Variants in ASTN1 observed in about 807,000 individuals in gnomAD.
The protein encoded by ASTN1 is astrotactin-1.
A neutral mutation model predicts 140.7 loss-of-function variants in ASTN1; 41 were observed. That is an observed-to-expected ratio of 0.29 (90% CI 0.23 to 0.38). The LOEUF (loss-of-function observed/expected upper bound fraction) is 0.38, where lower values mean the gene tolerates loss of function less well. ASTN1 is among the 10% of genes least tolerant of loss of function. The probability of loss-of-function intolerance (pLI) is 1.00; values close to 1 mark genes in which losing one functional copy is unlikely to be tolerated. For missense variants in ASTN1, 1,479 were observed against 1,678.8 expected (o/e 0.88, Z 2.08); for synonymous variants, 640 against 652.2 (o/e 0.98, Z 0.29).
chr1:177,143,844 T>C (rs1682580964), intron 1 of ASTN1, among the ~76,000 whole-genome samples: 1 of 152,160 alleles, frequency 6.6e-6, no homozygotes, highest in African/African-American at 2.4e-5. Flanking sequence ...CTGATGCTAA[T>C]TTCTTAGTTT....
intron 16 of ASTN1, among the ~76,000 whole-genome samples, chr1:176,933,695 C>T (rs2072836): frequency 0.12 from 17,558 of 152,114 alleles, 1,320 homozygotes; most frequent in Admixed American, 0.18. Flanking sequence ...GAAAAATGAG[C>T]CTATGCAGAG....
chr1:177,083,432 G>A (rs1045922964), intron 1 of ASTN1, among the ~76,000 whole-genome samples: 1 of 151,946 alleles, frequency 6.6e-6, no homozygotes. Flanking sequence ...GCCAAATCAG[G>A]TCATGCGCCA....
At chr1:176,960,771 C>T (rs1234509806) in intron 9 of ASTN1, among the ~76,000 whole-genome samples, 1 of 152,260 alleles carries the variant, frequency 6.6e-6, no homozygotes, top group African/African-American at 2.4e-5. Flanking sequence ...ATTTTCTCAC[C>T]TCTTTGCTTT....
chr1:176,903,208 G>C (rs1669841210), intron 16 of ASTN1, among the ~76,000 whole-genome samples: 4 of 152,184 alleles, frequency 2.6e-5, no homozygotes, highest in Admixed American at 2.6e-4. Flanking sequence ...ACATATACGT[G>C]GGGGAGTATG....
chr1:177,077,195 C>G (rs907786798), intron 1 of ASTN1, among the ~76,000 whole-genome samples: 1 of 152,092 alleles, frequency 6.6e-6, no homozygotes, highest in Admixed American at 6.6e-5. Flanking sequence ...GCAACTCCAT[C>G]ATGCAGATAT....
intron 11 of ASTN1, among the ~76,000 whole-genome samples, chr1:176,949,870 A>G (rs1318444124): frequency 6.6e-6 from 1 of 152,168 alleles, no homozygotes; most frequent in East Asian, 1.9e-4. Context: ...GGAAGTGAAC[A>G]TTCCCTGTAA....
At chr1:177,128,788 T>C (rs575481967) in intron 1 of ASTN1, among the ~76,000 whole-genome samples, 2 of 152,208 alleles carry the variant, frequency 1.3e-5, no homozygotes, top group African/African-American at 2.4e-5. Flanking sequence ...GAGAAGTCGG[T>C]AGAATTAGCA....
At chr1:176,868,415 G>A (rs992519342) in intron 22 of ASTN1, among the ~76,000 whole-genome samples, 1 of 152,164 alleles carries the variant, frequency 6.6e-6, no homozygotes, top group Non-Finnish European at 1.5e-5. Context: ...CATTTCAAGA[G>A]ATGTGGAATT....
At chr1:177,018,025 AG>A (rs1432619507) in intron 7 of ASTN1, among the ~76,000 whole-genome samples, 1 of 152,206 alleles carries the variant, frequency 6.6e-6, no homozygotes, top group African/African-American at 2.4e-5. Context: ...TGCTTCAGGA[AG>A]GGGTTGGCTT....
At chr1:176,923,897 T>C (rs1158220714) in intron 16 of ASTN1, among the ~76,000 whole-genome samples, 2 of 152,218 alleles carry the variant, frequency 1.3e-5, no homozygotes, top group African/African-American at 4.8e-5. Flanking sequence ...TCCCTTCCCT[T>C]ATCCTTTATC....
At chr1:177,127,635 G>T (rs1681719881) in intron 1 of ASTN1, among the ~76,000 whole-genome samples, 1 of 152,140 alleles carries the variant, frequency 6.6e-6, no homozygotes, top group Admixed American at 6.5e-5. Context: ...GTGACCTGAG[G>T]GCCCAGAGGT....
At chr1:177,033,888 T>C (rs1246906530) in intron 2 of ASTN1, among the ~76,000 whole-genome samples, 1 of 152,114 alleles carries the variant, frequency 6.6e-6, no homozygotes, top group African/African-American at 2.4e-5. Context: ...GCCTTTAAGC[T>C]TGGTGCTGCA....
At chr1:176,982,973 G>C (rs1046932700) in intron 8 of ASTN1, among the ~76,000 whole-genome samples, 1 of 152,152 alleles carries the variant, frequency 6.6e-6, no homozygotes, top group African/African-American at 2.4e-5. Context: ...GAAATCCACA[G>C]ATGATGATTG....
chr1:176,864,601 T>A, intron 22 of ASTN1, 80 bp from the exon 23 acceptor site: 2 of 1,547,648 alleles, frequency 1.3e-6, no homozygotes, highest in Non-Finnish European at 1.7e-6. Flanking sequence ...AGTGTGAGAC[T>A]CTAAACTTCA....
At chr1:177,026,602 G>T (rs1396864069) in intron 5 of ASTN1, among the ~76,000 whole-genome samples, 2 of 152,120 alleles carry the variant, frequency 1.3e-5, no homozygotes, top group African/African-American at 4.8e-5. Flanking sequence ...CTTCATAGTG[G>T]TTGTACCAAT....
chr1:177,105,644 GAA>G (rs139667650), intron 1 of ASTN1, among the ~76,000 whole-genome samples: 4,565 of 143,938 alleles, frequency 0.032, 113 homozygotes, highest in East Asian at 0.11. Context: ...TGGCTTCATG[GAA>G]AAAAAAAAAA....
intron 20 of ASTN1, among the ~76,000 whole-genome samples, chr1:176,878,762 T>C (rs1668669102): frequency 6.6e-6 from 1 of 152,068 alleles, no homozygotes; most frequent in South Asian, 2.1e-4. Flanking sequence ...ACTCTGCAGA[T>C]TTCAGACTTG....
At chr1:177,121,101 T>C (rs1253384572) in intron 1 of ASTN1, among the ~76,000 whole-genome samples, 3 of 152,022 alleles carry the variant, frequency 2.0e-5, no homozygotes, top group Non-Finnish European at 4.4e-5. Context: ...TATATATACA[T>C]GCACTATGTA....
chr1:177,040,315 T>A (rs1243824930), intron 2 of ASTN1, among the ~76,000 whole-genome samples: 1 of 152,206 alleles, frequency 6.6e-6, no homozygotes, highest in Non-Finnish European at 1.5e-5. Flanking sequence ...GGCCTCAATA[T>A]GTCTTCTGGG....
Sources: allele counts gnomAD v4.1 joint callset (sites outside exome capture counted in the v4.1 genomes callset), GRCh38; gene constraint gnomAD v4.1.1; transcripts MANE v1.5; gene names NCBI Gene and HGNC (gene_info 2026-07-23, HGNC 2026-07-21).